Variants in CSTPP1 observed in about 807,000 individuals in gnomAD.
The protein encoded by CSTPP1 is UPF0705 protein C11orf49.
the CSTPP1 span, among the ~76,000 whole-genome samples, chr11:47,108,703 A>AC: frequency 2.2e-5 from 2 of 91,760 alleles, no homozygotes; most frequent in Non-Finnish European, 4.1e-5. Context: ...AGTACTATCT[A>AC]CTTTTTTTTT....
chr11:47,041,177 T>G, the CSTPP1 span: 1 of 211,652 alleles, frequency 4.7e-6, no homozygotes, highest in South Asian at 4.5e-5. Context: ...TTGGCCTGGA[T>G]CTTGTGTCAG....
the CSTPP1 span, among the ~76,000 whole-genome samples, chr11:46,952,848 T>C: frequency 6.6e-6 from 1 of 152,198 alleles, no homozygotes; most frequent in Non-Finnish European, 1.5e-5. Context: ...TTATAATTGG[T>C]TTGTTGCTGG....
chr11:47,105,864 A>G, the CSTPP1 span, among the ~76,000 whole-genome samples: 1 of 152,238 alleles, frequency 6.6e-6, no homozygotes, highest in Non-Finnish European at 1.5e-5. Context: ...CAAGGGACTA[A>G]ACACAAAGTA....
the CSTPP1 span, chr11:47,157,233 T>A: frequency 6.5e-7 from 1 of 1,547,216 alleles, no homozygotes; most frequent in South Asian, 1.2e-5. Context: ...GGAACGGGCA[T>A]GCAGCCCCCA....
the CSTPP1 span, among the ~76,000 whole-genome samples, chr11:47,058,153 G>C: frequency 3.3e-5 from 5 of 152,076 alleles, no homozygotes; most frequent in Non-Finnish European, 7.4e-5. Flanking sequence ...GGGCAACAGA[G>C]CAAAACCCTG....
At chr11:47,019,514 G>A in the CSTPP1 span, among the ~76,000 whole-genome samples, 115,433 of 151,978 alleles carry the variant, frequency 0.76, 44,564 homozygotes, top group African/African-American at 0.84. Flanking sequence ...AGGGTTATTA[G>A]TTGACCTAAT....
chr11:47,038,682 G>A, the CSTPP1 span, among the ~76,000 whole-genome samples: 1 of 122,214 alleles, frequency 8.2e-6, no homozygotes, highest in Admixed American at 8.5e-5. Context: ...GCGGGGGGCT[G>A]ACCCCCCCAC....
chr11:46,992,519 CAG>C, the CSTPP1 span, among the ~76,000 whole-genome samples: 2 of 151,654 alleles, frequency 1.3e-5, no homozygotes, highest in Non-Finnish European at 2.9e-5. Context: ...ACAGTTTGCT[CAG>C]AGTGATGGTT....
the CSTPP1 span, among the ~76,000 whole-genome samples, chr11:47,006,117 A>T: frequency 6.6e-6 from 1 of 152,214 alleles, no homozygotes; most frequent in African/African-American, 2.4e-5. Flanking sequence ...CATTTCATAC[A>T]GCTTCTACTA....
At chr11:47,146,953 A>G in the CSTPP1 span, among the ~76,000 whole-genome samples, 1 of 152,246 alleles carries the variant, frequency 6.6e-6, no homozygotes, top group Non-Finnish European at 1.5e-5. Flanking sequence ...TGTTTTAAGA[A>G]CACAGACATT....
chr11:47,157,133 T>C, the CSTPP1 span: 1 of 1,613,996 alleles, frequency 6.2e-7, no homozygotes, highest in East Asian at 2.2e-5. Context: ...ACGACCTGCC[T>C]TGGGCGGGGC....
the CSTPP1 span, among the ~76,000 whole-genome samples, chr11:47,007,011 T>G: frequency 2.1e-5 from 3 of 139,952 alleles, no homozygotes; most frequent in Admixed American, 7.0e-5. Flanking sequence ...GTTTTTTTTT[T>G]TTTTTTTTTT....
At chr11:47,074,982 G>A in the CSTPP1 span, among the ~76,000 whole-genome samples, 7 of 152,142 alleles carry the variant, frequency 4.6e-5, no homozygotes, top group East Asian at 1.9e-4. Context: ...TCACAGTCTC[G>A]TCTGAAAGAA....
At chr11:46,998,364 G>GA in the CSTPP1 span, among the ~76,000 whole-genome samples, 197 of 151,952 alleles carry the variant, frequency 1.3e-3, no homozygotes, top group Non-Finnish European at 2.3e-3. Context: ...ACACACTGTT[G>GA]AAAAAAAATC....
chr11:47,046,634 T>C, the CSTPP1 span, among the ~76,000 whole-genome samples: 17 of 150,920 alleles, frequency 1.1e-4, no homozygotes, highest in South Asian at 6.3e-4. Flanking sequence ...AACACAATTT[T>C]CTTTTCTTTT....
chr11:47,137,430 G>T, the CSTPP1 span: 4 of 1,512,310 alleles, frequency 2.6e-6, no homozygotes, highest in Non-Finnish European at 3.5e-6. Context: ...TCAAAATGGT[G>T]TAACTGGATG....
the CSTPP1 span, among the ~76,000 whole-genome samples, chr11:47,029,098 G>A: frequency 1.3e-5 from 2 of 151,848 alleles, no homozygotes; most frequent in African/African-American, 4.8e-5. Context: ...ATCTGCCTCG[G>A]GCTCCCAAAA....
chr11:47,011,016 C>G, the CSTPP1 span, among the ~76,000 whole-genome samples: 1 of 151,994 alleles, frequency 6.6e-6, no homozygotes, highest in African/African-American at 2.4e-5. Flanking sequence ...TGATGAAATT[C>G]CCCCCAAACA....
At chr11:47,074,254 C>T in the CSTPP1 span, among the ~76,000 whole-genome samples, 1 of 152,002 alleles carries the variant, frequency 6.6e-6, no homozygotes, top group Non-Finnish European at 1.5e-5. Flanking sequence ...AGTCCTAGCA[C>T]TTTGGGAGGC....
Sources: gnomAD v4.1 joint callset for allele counts (sites outside exome capture counted in the v4.1 genomes callset) on GRCh38, gnomAD v4.1.1 for gene constraint, MANE v1.5 for transcripts, NCBI Gene and HGNC (gene_info 2026-07-23, HGNC 2026-07-21) for gene names.